The following KLHL29 variants were observed in gnomAD, a reference collection of about 807,000 sequenced individuals.
KLHL29 encodes the protein kelch like family member 29, also known as kelch-like protein 29.
In KLHL29, 21 loss-of-function variants were observed where a neutral mutation model predicts 80.4. The ratio of observed to expected loss-of-function variants is 0.26; its 90% CI spans 0.19 to 0.38. KLHL29 has a LOEUF of 0.38. Among genes scored for constraint, KLHL29 ranks in the 10% least tolerant of loss-of-function variants. KLHL29 has a pLI of 1.00. For synonymous variants in KLHL29, 511 were observed against 526.8 expected (o/e 0.97, Z 0.41); for missense variants, 867 against 1,223.9 (o/e 0.71, Z 4.35).
intron 3 of KLHL29, among the ~76,000 whole-genome samples, chr2:23,564,583 C>T (rs1667539551): frequency 6.6e-6 from 1 of 152,234 alleles, no homozygotes; most frequent in South Asian, 2.1e-4. Context: ...TTCCCGAGCA[C>T]CCCTGGCAGA....
At chr2:23,454,992 A>G (rs1664003505) in intron 1 of KLHL29, among the ~76,000 whole-genome samples, 1 of 80,262 alleles carries the variant, frequency 1.2e-5, no homozygotes, top group South Asian at 7.2e-4. Flanking sequence ...AGAAACAGGA[A>G]CAGTGGGTTG....
chr2:23,518,043 T>C (rs1665993171), intron 2 of KLHL29, among the ~76,000 whole-genome samples: 1 of 152,124 alleles, frequency 6.6e-6, no homozygotes, highest in Non-Finnish European at 1.5e-5. Flanking sequence ...AATGAGATAG[T>C]GTGTAGCTCA....
At chr2:23,607,574 C>T (rs1367099431) in intron 3 of KLHL29, among the ~76,000 whole-genome samples, 1 of 152,194 alleles carries the variant, frequency 6.6e-6, no homozygotes, top group Admixed American at 6.5e-5. Flanking sequence ...GGTCACCCAC[C>T]CCCACAAACC....
chr2:23,684,418 C>T lies in KLHL29; in HGVS notation c.960C>T (p.Asn320=), dbSNP rs1191142990. ...CTGCAGAAATGTTGAAGGAATTGAA[C>T]CAGCAACGCAGAGCGAAAGCGTTTA... The part of the protein sequence containing the change: ...GHPREMLKEL[N]QQRRAKAFTD... Residue 320 remains asparagine, a synonymous_variant, in exon 6 of 14, where the codon AAC becomes AAT. Coordinates refer to ENST00000486442, the MANE Select transcript of KLHL29 (RefSeq NM_052920.2). This position sits in a 1 kb window ranked among gnomAD's most constrained non-coding sequence, Gnocchi z 4.4. 1.9e-6 allele frequency: 3 copies of T among 1,539,142 alleles called. No individual in the cohort carries two copies. Among genetic ancestry groups the T allele is most frequent in the African/African-American group, 1.4e-5 (1 of 72,616 alleles).
chr2:23,590,579 G>C (rs1668233556), intron 3 of KLHL29, among the ~76,000 whole-genome samples: 2 of 152,122 alleles, frequency 1.3e-5, no homozygotes, highest in African/African-American at 4.8e-5. Context: ...TTCCCCTCCA[G>C]ACCTGTGCGA....
At chr2:23,594,491 C>T (rs1318311513) in intron 3 of KLHL29, among the ~76,000 whole-genome samples, 8 of 152,164 alleles carry the variant, frequency 5.3e-5, no homozygotes, top group African/African-American at 1.9e-4. Flanking sequence ...TTCTTTTCAC[C>T]GTGTTTCTGT....
intron 2 of KLHL29, among the ~76,000 whole-genome samples, chr2:23,500,550 G>A (rs1048910373): frequency 6.6e-5 from 10 of 152,152 alleles, no homozygotes; most frequent in African/African-American, 2.4e-4. Flanking sequence ...GCAGAAGGAT[G>A]GAGAAACAGA....
chr2:23,637,286 A>T (rs1669637918), intron 3 of KLHL29, among the ~76,000 whole-genome samples: 1 of 152,172 alleles, frequency 6.6e-6, no homozygotes, highest in Admixed American at 6.5e-5. Context: ...GAGTGGATAG[A>T]TCCTTCAGAC....
At chr2:23,630,171 T>C (rs774836356) in intron 3 of KLHL29, among the ~76,000 whole-genome samples, 1 of 152,182 alleles carries the variant, frequency 6.6e-6, no homozygotes, top group Admixed American at 6.5e-5. Flanking sequence ...GCCAGGGAGA[T>C]AACAGCTAGC....
At chr2:23,468,031 A>G (rs1220034662) in intron 1 of KLHL29, among the ~76,000 whole-genome samples, 1 of 152,096 alleles carries the variant, frequency 6.6e-6, no homozygotes, top group Non-Finnish European at 1.5e-5. Flanking sequence ...CATGATCATT[A>G]TAATGGTTAT....
chr2:23,461,221 C>CAG (rs1664199313), intron 1 of KLHL29, among the ~76,000 whole-genome samples: 1 of 152,188 alleles, frequency 6.6e-6, no homozygotes, highest in Admixed American at 6.5e-5. Context: ...GAGACTGAGG[C>CAG]AGAGGGGTCG....
At chr2:23,538,524 C>T (rs1482173497) in intron 2 of KLHL29, among the ~76,000 whole-genome samples, 1 of 152,236 alleles carries the variant, frequency 6.6e-6, no homozygotes, top group Non-Finnish European at 1.5e-5. Flanking sequence ...CTCTGCCATA[C>T]AGGAAGCTAA....
chr2:23,528,739 A>G (rs913447831), intron 2 of KLHL29, among the ~76,000 whole-genome samples: 2 of 152,238 alleles, frequency 1.3e-5, no homozygotes, highest in Admixed American at 6.5e-5. Context: ...TCCTAGATCC[A>G]TATTACCCTT....
intron 2 of KLHL29, among the ~76,000 whole-genome samples, chr2:23,550,845 G>A (rs1429696493): frequency 6.6e-6 from 1 of 152,230 alleles, no homozygotes; most frequent in Non-Finnish European, 1.5e-5. Flanking sequence ...TGTGAAGAGG[G>A]AGCTTGTTGA....
chr2:23,477,417 G>A (rs116648492), intron 2 of KLHL29, among the ~76,000 whole-genome samples: 23 of 152,390 alleles, frequency 1.5e-4, no homozygotes, highest in African/African-American at 5.5e-4. Flanking sequence ...GGAATCTCAG[G>A]CTAGGCGCAG....
chr2:23,423,170 T>C (rs952392335), intron 1 of KLHL29, among the ~76,000 whole-genome samples: 1 of 152,238 alleles, frequency 6.6e-6, no homozygotes, highest in East Asian at 1.9e-4. Flanking sequence ...GAAGTGTTTT[T>C]CACTCATCCG....
intron 1 of KLHL29, among the ~76,000 whole-genome samples, chr2:23,472,912 A>G (rs1022480686): frequency 1.3e-5 from 2 of 152,338 alleles, no homozygotes; most frequent in South Asian, 4.1e-4. Context: ...TGAAATAGAC[A>G]TATTCAAATG....
chr2:23,642,905 C>A (rs537270528), intron 5 of KLHL29, 55 bp downstream of exon 5: 55 of 1,540,380 alleles, frequency 3.6e-5, no homozygotes, highest in Non-Finnish European at 4.2e-5. Flanking sequence ...CCTCCCTGCG[C>A]GGTCACTGCA....
chr2:23,386,621 CGGGGGGCCGG>C (rs1348050465), intron 1 of KLHL29, among the ~76,000 whole-genome samples: 2 of 152,050 alleles, frequency 1.3e-5, no homozygotes, highest in African/African-American at 2.4e-5. Context: ...CCGATGGCCT[CGGGGGGCCGG>C]GGGAGCCCAG....
Sources: gnomAD v4.1 joint callset for allele counts (sites outside exome capture counted in the v4.1 genomes callset) on GRCh38, gnomAD v4.1.1 for gene constraint, Gnocchi (gnomAD v3.1) non-coding constraint, MANE v1.5 for transcripts, NCBI Gene and HGNC (gene_info 2026-07-23, HGNC 2026-07-21) for gene names.